SEC23A: variants seen among roughly 807,000 people sequenced by gnomAD.
SEC23A encodes protein transport protein Sec23A.
In SEC23A, 56 loss-of-function variants were observed where a neutral mutation model predicts 103.7. The ratio of observed to expected loss-of-function variants is 0.54; its 90% CI spans 0.44 to 0.67. The LOEUF (loss-of-function observed/expected upper bound fraction) is 0.67, where lower values mean the gene tolerates loss of function less well. Ranked by LOEUF, SEC23A falls within the 30% of genes least tolerant of loss-of-function variation. The pLI is 0.00. For synonymous variants in SEC23A, 281 were observed against 293.0 expected, an observed-to-expected ratio of 0.96 and a Z score of 0.42; for missense variants, 784 against 936.4, an observed-to-expected ratio of 0.84 and a Z score of 2.12.
intron 10 of SEC23A, among the ~76,000 whole-genome samples, chr14:39,065,934 G>C (rs1467744592): frequency 1.5e-5 from 2 of 133,820 alleles, no homozygotes; most frequent in Non-Finnish European, 3.1e-5. Flanking sequence ...GGAGGCAGAG[G>C]TTATAGTGAG....
chr14:39,098,375 T>G (rs1056009694), intron 1 of SEC23A, among the ~76,000 whole-genome samples: 3 of 152,182 alleles, frequency 2.0e-5, no homozygotes, highest in Non-Finnish European at 2.9e-5. Context: ...CTTCCACATT[T>G]ATTATACAGA....
chr14:39,098,752 C>T lies in SEC23A; in HGVS notation c.-21-2613G>A, dbSNP rs377296124. Among the ~76,000 whole-genome samples, 18 of 148,050 alleles carry T rather than the reference C, an allele frequency of 1.2e-4. 1 individual carries two copies. The highest frequency in any genetic ancestry group is 4.3e-4 in the South Asian group (2 of 4,690). ...TCATGCCACTGCACTCTAGCCTGGG[C>T]GACAGAGTGAGACTCCTTCTCAAAA... On this transcript the variant is annotated intron_variant, in intron 1 of 19. Coordinates refer to ENST00000307712, the MANE Select transcript of SEC23A (RefSeq NM_006364.4).
intron 13 of SEC23A, among the ~76,000 whole-genome samples, chr14:39,058,464 C>T (rs571907590): frequency 9.2e-5 from 14 of 152,216 alleles, no homozygotes; most frequent in African/African-American, 3.1e-4. Context: ...CCCGCCACCA[C>T]GCCCGGCTAA....
rs777434049 is a variant in SEC23A, at chr14:39,091,593, A to C, written c.487T>G (p.Leu163Val). 6.2e-7 allele frequency: 1 copy of C among 1,613,992 alleles called. No individual in the cohort carries two copies. Among genetic ancestry groups the C allele is most frequent in the East Asian group, 2.2e-5 (1 of 44,842 alleles). Reference protein sequence around the residue: ...MSLSLLPPTALVGLITFGRMV... With the variant: ...MSLSLLPPTAVVGLITFGRMV... The stretch of plus-strand genomic sequence containing the variant: ...CTCCCAAAAGTAATAAGTCCAACCA[A>C]AGCTGTAGGTGGTAAAAGACTTAAT... The change falls in exon 5 of 20, where the codon TTG (leucine) becomes GTG (valine). Residue 163 changes from leucine (L) to valine (V), a missense_variant. Around this residue, in one of 2 missense-constraint regions of SEC23A, gnomAD observed 683 missense variants for 774.2 expected, o/e 0.88. Coordinates refer to ENST00000307712, the MANE Select transcript of SEC23A (RefSeq NM_006364.4).
chr14:39,092,932 C>A (rs566352434), intron 3 of SEC23A: 1 of 479,470 alleles, frequency 2.1e-6, no homozygotes. Flanking sequence ...GGTGCAATCT[C>A]GGCTCACTGC....
At chr14:39,084,979 G>A (rs1207498164) in intron 7 of SEC23A, among the ~76,000 whole-genome samples, 1 of 152,114 alleles carries the variant, frequency 6.6e-6, no homozygotes, top group Non-Finnish European at 1.5e-5. Context: ...AGTGCCTTTT[G>A]TATGTTAATA....
chr14:39,066,014 A>C (rs1269576069), intron 10 of SEC23A, among the ~76,000 whole-genome samples: 14 of 71,964 alleles, frequency 1.9e-4, no homozygotes, highest in East Asian at 1.0e-3. Flanking sequence ...AAAAAAAAAA[A>C]AAAAAAAAAA....
At chr14:39,057,181 G>A (rs1886278339) in intron 13 of SEC23A, among the ~76,000 whole-genome samples, 1 of 151,988 alleles carries the variant, frequency 6.6e-6, no homozygotes, top group South Asian at 2.1e-4. Flanking sequence ...AGGCATGGTG[G>A]CACATGCCTA....
intron 9 of SEC23A, among the ~76,000 whole-genome samples, chr14:39,071,961 G>A (rs1886854713): frequency 6.6e-6 from 1 of 151,928 alleles, no homozygotes; most frequent in Admixed American, 6.6e-5. Context: ...AGGCCGGGCG[G>A]GGTGGCTCAC....
chr14:39,080,084 A>G (rs1887171776), intron 7 of SEC23A, among the ~76,000 whole-genome samples: 1 of 152,174 alleles, frequency 6.6e-6, no homozygotes, highest in Non-Finnish European at 1.5e-5. Flanking sequence ...ATACTTTCAT[A>G]AAACTATGAC....
In SEC23A at chr14:39,068,501, T is replaced by G. The variant is rs191050123; in HGVS notation, c.1104-1205A>C. On this transcript the variant is annotated intron_variant, in intron 9 of 19. Coordinates refer to ENST00000307712, the MANE Select transcript of SEC23A (RefSeq NM_006364.4). The stretch of plus-strand genomic sequence containing the variant: ...AAGTTTTTTTCCTTTTTCCCTTGTG[T>G]TTGAAATACTGTATTTCAAACACAA... 4.7e-3 allele frequency among the ~76,000 whole-genome samples: 721 copies of G among 152,282 alleles called. 1 individual carries two copies. Among genetic ancestry groups the G allele is most frequent in the African/African-American group, 0.016 (666 of 41,566 alleles).
chr14:39,051,179 T>C (rs1886046143), intron 14 of SEC23A, among the ~76,000 whole-genome samples: 1 of 152,260 alleles, frequency 6.6e-6, no homozygotes, highest in African/African-American at 2.4e-5. Flanking sequence ...TTTTCCTTGA[T>C]GACTTACTAG....
chr14:39,080,045 A>G (rs1214604633), intron 7 of SEC23A, among the ~76,000 whole-genome samples: 1 of 152,132 alleles, frequency 6.6e-6, no homozygotes, highest in East Asian at 1.9e-4. Context: ...TGAAAAAATG[A>G]AGAAAAGAGC....
intron 19 of SEC23A, among the ~76,000 whole-genome samples, chr14:39,037,471 T>C (rs1441205189): frequency 1.3e-5 from 2 of 152,230 alleles, no homozygotes; most frequent in African/African-American, 4.8e-5. Context: ...CATACCTACA[T>C]TCACTGACTG....
chr14:39,036,863 A>G (rs1301572341), intron 19 of SEC23A, among the ~76,000 whole-genome samples: 2 of 152,186 alleles, frequency 1.3e-5, no homozygotes, highest in African/African-American at 4.8e-5. Context: ...TTCCTTATAA[A>G]TTTATCTTCT....
intron 1 of SEC23A, among the ~76,000 whole-genome samples, chr14:39,099,454 C>T (rs575812692): frequency 1.3e-5 from 2 of 152,066 alleles, no homozygotes; most frequent in Admixed American, 6.6e-5. Flanking sequence ...CACCGCTCCC[C>T]GCCATTAAAT....
At position 39,059,770 on chromosome 14, in the gene SEC23A, A is replaced by G. The variant is rs867509211; in HGVS notation, c.1505+1995T>C. 1.1e-4 allele frequency among the ~76,000 whole-genome samples: 17 copies of G among 152,282 alleles called. No homozygotes were observed. The Middle Eastern group carries it at 0.017, about 152-fold the overall frequency. ...CAAAAAATTTTCTTATATAGCTCCAATTATTAAACTCATGAAATCTAACAC... is the reference window on the plus strand; with the variant it reads ...CAAAAAATTTTCTTATATAGCTCCAGTTATTAAACTCATGAAATCTAACAC... On this transcript the variant is annotated intron_variant, in intron 13 of 19. Coordinates refer to ENST00000307712, the MANE Select transcript of SEC23A (RefSeq NM_006364.4).
At chr14:39,094,391 C>T (rs1594486312) in intron 2 of SEC23A, among the ~76,000 whole-genome samples, 2 of 39,458 alleles carry the variant, frequency 5.1e-5, no homozygotes, top group African/African-American at 1.8e-4. Flanking sequence ...CACACACACA[C>T]ACACACATAT....
At position 39,094,427 on chromosome 14, in the gene SEC23A, TATATATATATATATA is replaced by T. The variant is rs1566515137; in HGVS notation, c.222-1198_222-1184del. On this transcript the variant is annotated intron_variant, in intron 2 of 19. Transcript: ENST00000307712. ...ATATATATATATATATATATATATATATATATATATATATATTTTTTTTTTTTTTTTTTCCCCTCC... is the reference window on the plus strand; with the variant it reads ...ATATATATATATATATATATATATATTTTTTTTTTTTTTTTTTTCCCCTCC... Among the ~76,000 whole-genome samples the T allele has an allele frequency of 4.2e-4, 26 of 62,650 alleles. 1 individual carries two copies. The highest frequency in any genetic ancestry group is 6.1e-4 in the Admixed American group (3 of 4,952). The allele number at this position is 62,650 out of a possible 152,430, so 41.1% of individuals were successfully genotyped here. A position where few individuals can be genotyped will look rare whatever the true frequency, so the allele number is the denominator to read the frequency against.
Sources: gnomAD v4.1 joint callset for allele counts (sites outside exome capture counted in the v4.1 genomes callset) on GRCh38, gnomAD v4.1.1 for gene constraint, gnomAD v4.1.1 regional missense constraint, MANE v1.5 for transcripts, NCBI Gene and HGNC (gene_info 2026-07-23, HGNC 2026-07-21) for gene names.